ELOVL7: variants seen among roughly 807,000 people sequenced by gnomAD.
ELOVL7 encodes the protein very long chain fatty acid elongase 7.
In ELOVL7, 27 loss-of-function variants were observed where a neutral mutation model predicts 35.7. That is an observed-to-expected ratio of 0.76 (90% confidence interval 0.56 to 1.04). The LOEUF is 1.04. Among genes scored for constraint, ELOVL7 ranks in the 50% least tolerant of loss-of-function variants. The pLI is 0.00. For synonymous variants in ELOVL7, 113 were observed against 114.6 expected (o/e 0.99, Z 0.09); for missense variants, 327 against 340.8 (o/e 0.96, Z 0.32).
intron 3 of ELOVL7, among the ~76,000 whole-genome samples, chr5:60,782,244 A>C (rs2112220044): frequency 6.6e-6 from 1 of 152,352 alleles, no homozygotes; most frequent in East Asian, 1.9e-4. Flanking sequence ...AAAAGACAAA[A>C]GATAACAAGC....
rs1252438176 is a variant in ELOVL7, at chr5:60,816,680, C to T, written c.-85-17450G>A. Among the ~76,000 whole-genome samples, 6 of 152,096 alleles carry T rather than the reference C, an allele frequency of 3.9e-5. No individual in the cohort carries two copies. In the East Asian group the frequency reaches 1.2e-3, roughly 29 times the overall value. Reference sequence around the variant, plus strand: ...ATGGCAGCTTCTCTTCCAGTTGATACTTTAAATATTTAAGAAATTAACCAG... The same window carrying T: ...ATGGCAGCTTCTCTTCCAGTTGATATTTTAAATATTTAAGAAATTAACCAG... On this transcript the variant is annotated intron_variant, in intron 1 of 8. Coordinates refer to ENST00000508821, the MANE Select transcript of ELOVL7 (RefSeq NM_024930.3).
At chr5:60,801,901 C>T (rs189898089) in intron 1 of ELOVL7, among the ~76,000 whole-genome samples, 1 of 151,672 alleles carries the variant, frequency 6.6e-6, no homozygotes, top group African/African-American at 2.4e-5. Context: ...GGCTCTCAGG[C>T]CTTTGGCCTC....
chr5:60,751,993 A>T lies in ELOVL7; in HGVS notation c.*2631T>A, dbSNP rs942760072. The T allele has an allele frequency of 6.6e-6, 1 of 152,174 alleles. No homozygotes were observed. The highest frequency in any genetic ancestry group is 2.4e-5 in the African/African-American group (1 of 41,450). The allele number at this position is 152,174 out of a possible 1,614,324, so 9.4% of individuals were successfully genotyped here. ...AAAATCTATATTTGTATTTATTTATAATATAGATATAGGCCCTCAAGGATT... is the reference window on the plus strand; with the variant it reads ...AAAATCTATATTTGTATTTATTTATTATATAGATATAGGCCCTCAAGGATT... On this transcript the variant is annotated 3_prime_UTR_variant, in exon 9 of 9. Transcript: ENST00000508821.
intron 4 of ELOVL7, among the ~76,000 whole-genome samples, chr5:60,770,684 G>A (rs772445152): frequency 5.3e-5 from 8 of 152,134 alleles, no homozygotes; most frequent in Non-Finnish European, 5.9e-5. Context: ...ACTATAGGGA[G>A]GACTGTGAGA....
intron 6 of ELOVL7, among the ~76,000 whole-genome samples, chr5:60,765,621 C>A (rs979037227): frequency 6.6e-6 from 1 of 152,074 alleles, no homozygotes; most frequent in African/African-American, 2.4e-5. Context: ...TGAGCCCCAT[C>A]CAAGGCCTAG....
chr5:60,840,051 G>C lies in ELOVL7; in HGVS notation c.-86+4109C>G, dbSNP rs1021729345. Among the ~76,000 whole-genome samples the C allele has an allele frequency of 1.2e-4, 19 of 152,152 alleles. No individual in the cohort carries two copies. In the East Asian group the frequency reaches 3.7e-3, roughly 29 times the overall value. On this transcript the variant is annotated intron_variant, in intron 1 of 8. Transcript: ENST00000508821. ...ATCTTAAAACTGATAAGCACAAGTG[G>C]CACATCATGGAGAATAAACAAATCT...
chr5:60,822,461 C>T (rs927372613), intron 1 of ELOVL7, among the ~76,000 whole-genome samples: 12 of 152,084 alleles, frequency 7.9e-5, no homozygotes, highest in Non-Finnish European at 1.3e-4. Flanking sequence ...GCAAGAAGAC[C>T]GAGTGGGGTT....
chr5:60,772,518 C>T (rs1742660322), intron 3 of ELOVL7, among the ~76,000 whole-genome samples: 1 of 152,144 alleles, frequency 6.6e-6, no homozygotes, highest in African/African-American at 2.4e-5. Flanking sequence ...ATAAACTACC[C>T]AGTCTATGAT....
At chr5:60,828,146 G>T (rs1467164886) in intron 1 of ELOVL7, among the ~76,000 whole-genome samples, 2 of 152,052 alleles carry the variant, frequency 1.3e-5, no homozygotes, top group African/African-American at 4.8e-5. Flanking sequence ...AACCAAGCTG[G>T]AATTCCTGCT....
At chr5:60,809,513 C>CT (rs1338475725) in intron 1 of ELOVL7, among the ~76,000 whole-genome samples, 1 of 152,206 alleles carries the variant, frequency 6.6e-6, no homozygotes, top group East Asian at 1.9e-4. Context: ...CAACACTCAG[C>CT]TCAACTGACT....
chr5:60,771,109 G>T (rs1197583365), intron 4 of ELOVL7, among the ~76,000 whole-genome samples: 2 of 152,172 alleles, frequency 1.3e-5, no homozygotes, highest in African/African-American at 4.8e-5. Context: ...CCCATATTGG[G>T]CCCTCGTGAG....
intron 3 of ELOVL7, among the ~76,000 whole-genome samples, chr5:60,777,454 G>A (rs1347675075): frequency 1.3e-5 from 2 of 151,962 alleles, no homozygotes; most frequent in Admixed American, 6.6e-5. Flanking sequence ...AGGATTAGGA[G>A]CAATATTGGT....
At chr5:60,834,347 G>T (rs561210852) in intron 1 of ELOVL7, among the ~76,000 whole-genome samples, 1 of 152,058 alleles carries the variant, frequency 6.6e-6, no homozygotes, top group South Asian at 2.1e-4. Context: ...GGGTTTCACC[G>T]TGTTAGCCAG....
intron 1 of ELOVL7, among the ~76,000 whole-genome samples, chr5:60,817,760 CATAT>C (rs1175174355): frequency 4.2e-4 from 56 of 134,382 alleles, no homozygotes; most frequent in African/African-American, 1.4e-3. Flanking sequence ...ATATATATAC[CATAT>C]ATAAACACAC....
chr5:60,822,756 G>A (rs370232662), intron 1 of ELOVL7, among the ~76,000 whole-genome samples: 1 of 152,058 alleles, frequency 6.6e-6, no homozygotes, highest in Non-Finnish European at 1.5e-5. Context: ...TCTCACAAAG[G>A]AGACAAAAAA....
chr5:60,768,429 T>C (rs570839684), intron 4 of ELOVL7, among the ~76,000 whole-genome samples: 1 of 152,312 alleles, frequency 6.6e-6, no homozygotes, highest in South Asian at 2.1e-4. Context: ...GTGAGTGTGA[T>C]GTGAGGTGGT....
chr5:60,813,406 A>G (rs1245120277), intron 1 of ELOVL7, among the ~76,000 whole-genome samples: 1 of 152,152 alleles, frequency 6.6e-6, no homozygotes, highest in Non-Finnish European at 1.5e-5. Flanking sequence ...TAATCTTATT[A>G]AGAGAAAAAT....
At chr5:60,770,041 A>T (rs1301742230) in intron 4 of ELOVL7, among the ~76,000 whole-genome samples, 1 of 139,446 alleles carries the variant, frequency 7.2e-6, no homozygotes, top group African/African-American at 2.8e-5. Context: ...ACAGAGCGAG[A>T]CCCTTTCTGG....
chr5:60,801,713 A>G (rs968688042), intron 1 of ELOVL7, among the ~76,000 whole-genome samples: 2 of 151,018 alleles, frequency 1.3e-5, no homozygotes, highest in Admixed American at 6.6e-5. Context: ...AAAAAAAAAG[A>G]AAAAAAAATG....
Sources: allele counts gnomAD v4.1 joint callset (sites outside exome capture counted in the v4.1 genomes callset), GRCh38; gene constraint gnomAD v4.1.1; transcripts MANE v1.5; gene names NCBI Gene and HGNC (gene_info 2026-07-23, HGNC 2026-07-21).